Variants in FMN1 observed in about 807,000 individuals in gnomAD.
FMN1 encodes formin-1.
A neutral mutation model predicts 132.4 loss-of-function variants in FMN1; 110 were observed. The ratio of observed to expected loss-of-function variants is 0.83; its 90% CI spans 0.71 to 0.97. The LOEUF is 0.97. FMN1 is among the 50% of genes least tolerant of loss of function. FMN1 has a pLI of 0.00. For synonymous variants in FMN1, 722 were observed against 651.7 expected, an observed-to-expected ratio of 1.11 and a Z score of -1.64; for missense variants, 1,792 against 1,705.3, an observed-to-expected ratio of 1.05 and a Z score of -0.90.
intron 12 of FMN1, among the ~76,000 whole-genome samples, chr15:32,905,543 C>T (rs2060403494): frequency 1.3e-5 from 2 of 152,176 alleles, no homozygotes; most frequent in Non-Finnish European, 2.9e-5. Context: ...CAACGGCCAT[C>T]CCTAGAGGGA....
intron 15 of FMN1, among the ~76,000 whole-genome samples, chr15:32,891,199 C>T (rs2060019732): frequency 6.6e-6 from 1 of 152,162 alleles, no homozygotes; most frequent in Non-Finnish European, 1.5e-5. Context: ...TTCTCTTCTG[C>T]TTAGTCTTGG....
At chr15:32,851,207 G>T (rs553617235) in intron 17 of FMN1, among the ~76,000 whole-genome samples, 1 of 152,292 alleles carries the variant, frequency 6.6e-6, no homozygotes, top group South Asian at 2.1e-4. Context: ...GATGCCAAGC[G>T]AAATTAACGG....
chr15:32,889,978 C>A (rs1020727916), intron 15 of FMN1, among the ~76,000 whole-genome samples: 1 of 152,190 alleles, frequency 6.6e-6, no homozygotes, highest in African/African-American at 2.4e-5. Flanking sequence ...TATGCCTTTG[C>A]ATCCTCATAG....
intron 4 of FMN1, among the ~76,000 whole-genome samples, chr15:33,143,320 T>C (rs556450814): frequency 6.6e-6 from 1 of 152,328 alleles, no homozygotes; most frequent in South Asian, 2.1e-4. Flanking sequence ...TTTCATTGTT[T>C]AACATAGGAA....
At chr15:33,113,784 G>A (rs1443602987) in intron 4 of FMN1, among the ~76,000 whole-genome samples, 2 of 152,118 alleles carry the variant, frequency 1.3e-5, no homozygotes, top group Non-Finnish European at 1.5e-5. Context: ...TCTTTCATCT[G>A]TGACTCCTTC....
chr15:32,835,314 G>A (rs1034675602), intron 17 of FMN1, among the ~76,000 whole-genome samples: 6 of 152,072 alleles, frequency 3.9e-5, no homozygotes, highest in African/African-American at 9.7e-5. Context: ...TTTCTAAATC[G>A]TGGCTCTAAA....
chr15:33,116,572 C>T (rs1189562296), intron 4 of FMN1, among the ~76,000 whole-genome samples: 3 of 151,856 alleles, frequency 2.0e-5, no homozygotes, highest in African/African-American at 4.8e-5. Flanking sequence ...TTTAGTTTGT[C>T]GAAAGTTTTT....
intron 10 of FMN1, among the ~76,000 whole-genome samples, chr15:32,915,673 A>G (rs535383069): frequency 6.6e-5 from 10 of 152,240 alleles, no homozygotes; most frequent in Non-Finnish European, 8.8e-5. Context: ...TTCCATCTGT[A>G]TAGGTCTCAT....
chr15:32,885,991 T>C (rs2059887352), intron 16 of FMN1, among the ~76,000 whole-genome samples: 1 of 152,172 alleles, frequency 6.6e-6, no homozygotes, highest in African/African-American at 2.4e-5. Context: ...GTGAAAATTA[T>C]GTCCTCTTCA....
At chr15:33,099,290 CAAAT>C (rs777744757) in intron 4 of FMN1, among the ~76,000 whole-genome samples, 94 of 152,288 alleles carry the variant, frequency 6.2e-4, no homozygotes, top group Non-Finnish European at 1.0e-3. Context: ...GACCCTGTCT[CAAAT>C]AAGTCAATCT....
chr15:33,142,852 A>G (rs1320478717), intron 4 of FMN1, among the ~76,000 whole-genome samples: 1 of 152,160 alleles, frequency 6.6e-6, no homozygotes, highest in Non-Finnish European at 1.5e-5. Flanking sequence ...TAGTTCACCA[A>G]TGTGTTGGGC....
intron 9 of FMN1, among the ~76,000 whole-genome samples, chr15:32,930,640 C>T (rs971168067): frequency 5.9e-5 from 9 of 151,730 alleles, no homozygotes; most frequent in African/African-American, 1.2e-4. Flanking sequence ...CTTTTTACTC[C>T]GTTGATTGTT....
At chr15:32,890,087 G>A (rs908651084) in intron 15 of FMN1, among the ~76,000 whole-genome samples, 8 of 152,132 alleles carry the variant, frequency 5.3e-5, no homozygotes, top group East Asian at 1.9e-4. Flanking sequence ...CCGGGTCGCC[G>A]AAAATGCTGT....
At chr15:33,029,188 C>T (rs1328877013) in intron 6 of FMN1, among the ~76,000 whole-genome samples, 1 of 152,106 alleles carries the variant, frequency 6.6e-6, no homozygotes, top group African/African-American at 2.4e-5. Flanking sequence ...CCCAAATAAA[C>T]TGACTCATTC....
chr15:32,926,851 CAG>C (rs1383155945), intron 9 of FMN1, among the ~76,000 whole-genome samples: 1 of 152,146 alleles, frequency 6.6e-6, no homozygotes, highest in Non-Finnish European at 1.5e-5. Context: ...GTGGTGTGAT[CAG>C]AGTTTGTCTC....
chr15:33,164,106 T>C lies in FMN1; in HGVS notation c.-131-9061A>G, dbSNP rs541551537. Among the ~76,000 whole-genome samples the C allele has an allele frequency of 7.2e-5, 11 of 152,260 alleles. No individual in the cohort carries two copies. The East Asian group carries it at 2.1e-3, about 29-fold the overall frequency. On this transcript the variant is annotated intron_variant, in intron 3 of 20. Transcript: ENST00000616417. ...GAATCAGCCTTGACAAGAAGGAGGA[T>C]GGTTTCCTACTCAAAGACTAAGGAA...
chr15:32,975,135 C>T (rs2032100573), intron 7 of FMN1, among the ~76,000 whole-genome samples: 2 of 152,220 alleles, frequency 1.3e-5, no homozygotes, highest in South Asian at 4.1e-4. Context: ...TGAAATCAAG[C>T]TCAACTGAAT....
chr15:32,908,657 C>G, intron 11 of FMN1, 79 bp from the exon 12 acceptor site: 3 of 847,396 alleles, frequency 3.5e-6, no homozygotes, highest in Non-Finnish European at 5.5e-6. Context: ...CAGTGGGTCT[C>G]AAAGTCTCGA....
chr15:33,025,894 G>C (rs1432030096), intron 6 of FMN1, among the ~76,000 whole-genome samples: 3 of 152,022 alleles, frequency 2.0e-5, no homozygotes, highest in African/African-American at 7.3e-5. Context: ...ACTTCAGGAG[G>C]CACGATTTAA....
Sources: allele counts gnomAD v4.1 joint callset (sites outside exome capture counted in the v4.1 genomes callset), GRCh38; gene constraint gnomAD v4.1.1; transcripts MANE v1.5; gene names NCBI Gene and HGNC (gene_info 2026-07-23, HGNC 2026-07-21).